Variants in DENND1A observed in about 807,000 individuals in gnomAD.
DENND1A encodes the protein DENN domain containing 1A, also known as DENN domain-containing protein 1A.
A neutral mutation model predicts 113.7 loss-of-function variants in DENND1A; 51 were observed. The ratio of observed to expected loss-of-function variants is 0.45; its 90% CI spans 0.36 to 0.57. DENND1A has a LOEUF of 0.57. Among genes scored for constraint, DENND1A ranks in the 20% least tolerant of loss-of-function variants. DENND1A has a pLI of 0.00. For missense variants in DENND1A, 1,258 were observed against 1,395.9 expected (o/e 0.90, Z 1.57); for synonymous variants, 565 against 570.8 (o/e 0.99, Z 0.14).
intron 19 of DENND1A, among the ~76,000 whole-genome samples, chr9:123,439,030 G>A (rs2046731082): frequency 6.6e-6 from 1 of 152,198 alleles, no homozygotes; most frequent in Admixed American, 6.5e-5. Flanking sequence ...AGGAAAGCAG[G>A]AAGCTGACTC....
chr9:123,820,952 G>A (rs573163877), intron 2 of DENND1A, among the ~76,000 whole-genome samples: 4 of 152,056 alleles, frequency 2.6e-5, no homozygotes, highest in African/African-American at 9.6e-5. Flanking sequence ...TTCATATTTG[G>A]GTTACAACTT....
chr9:123,923,004 T>G (rs888505168), intron 1 of DENND1A, among the ~76,000 whole-genome samples: 1 of 152,232 alleles, frequency 6.6e-6, no homozygotes, highest in African/African-American at 2.4e-5. Flanking sequence ...TCTTCCTTGT[T>G]TATCTTTCCA....
chr9:123,714,438 C>A (rs2066839654), intron 5 of DENND1A, among the ~76,000 whole-genome samples: 1 of 152,028 alleles, frequency 6.6e-6, no homozygotes, highest in Non-Finnish European at 1.5e-5. Flanking sequence ...CCCATCTCCA[C>A]TAAAAATACA....
intron 9 of DENND1A, among the ~76,000 whole-genome samples, chr9:123,632,773 T>A (rs2061533669): frequency 1.3e-5 from 2 of 152,028 alleles, no homozygotes; most frequent in African/African-American, 4.8e-5. Flanking sequence ...TTTCCTCCCA[T>A]CCCTTTCCAC....
chr9:123,446,444 CT>C (rs1240504512), intron 18 of DENND1A, among the ~76,000 whole-genome samples: 1 of 152,160 alleles, frequency 6.6e-6, no homozygotes, highest in African/African-American at 2.4e-5. Context: ...TACTCACTCC[CT>C]TCAATGGGAA....
intron 6 of DENND1A, 138 bp from the exon 7 acceptor site, chr9:123,671,509 G>A (rs1303963552): frequency 1.0e-5 from 8 of 787,584 alleles, no homozygotes; most frequent in African/African-American, 1.7e-5. Context: ...TGATATTCAT[G>A]TAGGGTTTGA....
At position 123,604,568 on chromosome 9, in the gene DENND1A, A is replaced by C. The variant is rs913802477; in HGVS notation, c.765+4868T>G. 1.8e-4 allele frequency among the ~76,000 whole-genome samples: 27 copies of C among 152,324 alleles called. 1 individual carries two copies. The highest frequency in any genetic ancestry group is 1.2e-4 in the Non-Finnish European group (8 of 68,030). On this transcript the variant is annotated intron_variant, in intron 11 of 23. Coordinates refer to ENST00000394215, the MANE Select transcript of DENND1A (RefSeq NM_001352964.2). ...TGCCAGACACTGGGATATGCTGTCC[A>C]TATACAGGACTCAGCTCTTAGGAAG...
At chr9:123,667,298 G>C (rs1589588682) in intron 7 of DENND1A, among the ~76,000 whole-genome samples, 1 of 152,248 alleles carries the variant, frequency 6.6e-6, no homozygotes, top group East Asian at 1.9e-4. Context: ...TCTATGAGAG[G>C]AGAACTTCTT....
At chr9:123,411,002 C>A (rs1400939427) in intron 20 of DENND1A, among the ~76,000 whole-genome samples, 1 of 152,148 alleles carries the variant, frequency 6.6e-6, no homozygotes, top group Non-Finnish European at 1.5e-5. Flanking sequence ...CATATTTTTC[C>A]ATGGACGGAT....
At chr9:123,867,200 A>C (rs769028191) in intron 2 of DENND1A, among the ~76,000 whole-genome samples, 15 of 152,190 alleles carry the variant, frequency 9.9e-5, no homozygotes, top group Non-Finnish European at 2.1e-4. Context: ...ATGTGTTGTG[A>C]AATAATACCA....
intron 12 of DENND1A, among the ~76,000 whole-genome samples, chr9:123,575,847 C>A (rs2058606817): frequency 6.6e-6 from 1 of 152,246 alleles, no homozygotes; most frequent in African/African-American, 2.4e-5. Flanking sequence ...TACTTTTCAT[C>A]TATTTGACTC....
intron 5 of DENND1A, among the ~76,000 whole-genome samples, chr9:123,756,228 G>A (rs2070531779): frequency 6.6e-6 from 1 of 152,104 alleles, no homozygotes; most frequent in Non-Finnish European, 1.5e-5. Context: ...GAGTTTTTGA[G>A]GAGTCAAAGT....
rs940328585 is a variant in DENND1A at position 123,878,924 on chromosome 9, C to T, written c.88+27G>A. On this transcript the variant is annotated intron_variant, in intron 2 of 23. Transcript: ENST00000394215. Reference sequence around the variant, plus strand: ...CTATCTCAAACAATAAGTAACACACCATATCATAATCAAACATGCAAAGTA... The same window carrying T: ...CTATCTCAAACAATAAGTAACACACTATATCATAATCAAACATGCAAAGTA... 1.9e-6 allele frequency: 3 copies of T among 1,610,502 alleles called. No homozygotes were observed. In the African/African-American group the frequency reaches 4.0e-5, roughly 22 times the overall value.
intron 13 of DENND1A, among the ~76,000 whole-genome samples, chr9:123,500,559 C>T (rs143617001): frequency 1.2e-4 from 19 of 152,342 alleles, no homozygotes; most frequent in African/African-American, 4.6e-4. Flanking sequence ...GAAGCCTATC[C>T]TGCTCTCTCA....
intron 13 of DENND1A, among the ~76,000 whole-genome samples, chr9:123,459,972 A>G (rs755609980): frequency 6.6e-6 from 1 of 152,222 alleles, no homozygotes; most frequent in Non-Finnish European, 1.5e-5. Context: ...GGCAGCTTAT[A>G]TGAGCATCTA....
intron 2 of DENND1A, among the ~76,000 whole-genome samples, chr9:123,853,740 A>T (rs1316110173): frequency 6.6e-6 from 1 of 152,168 alleles, no homozygotes; most frequent in Non-Finnish European, 1.5e-5. Context: ...GGTCTCCAAG[A>T]GATTTGTTTT....
rs138791030 is a variant in DENND1A at position 123,523,233 on chromosome 9, C to T, written c.993+34337G>A. On this transcript the variant is annotated intron_variant, in intron 13 of 23. Transcript: ENST00000394215. ...GATGAACAATACTCTAACCCCCTTA[C>T]GTGTGACAGCAACAGGATGGAGGCC... Among the ~76,000 whole-genome samples the T allele has an allele frequency of 3.2e-3, 494 of 152,282 alleles. 1 individual carries two copies. The highest frequency in any genetic ancestry group is 0.012 in the South Asian group (57 of 4,822).
At chr9:123,783,994 A>G (rs952580400) in intron 3 of DENND1A, among the ~76,000 whole-genome samples, 1 of 152,344 alleles carries the variant, frequency 6.6e-6, no homozygotes, top group Non-Finnish European at 1.5e-5. Context: ...AGAGAAGGTG[A>G]GACAAGGTGT....
At position 123,652,130 on chromosome 9, in the gene DENND1A, G is replaced by A. The variant is rs2062693203; in HGVS notation, c.508-7C>T. On this transcript the variant is annotated splice_region_variant and splice_polypyrimidine_tract_variant and intron_variant, in intron 8 of 23. Coordinates refer to ENST00000394215, the MANE Select transcript of DENND1A (RefSeq NM_001352964.2). ...AATATTCTGTCAGATTTCTCTAGGAGAAAGAAGAAGGCACGGTTTGTGGCT... is the reference window on the plus strand; with the variant it reads ...AATATTCTGTCAGATTTCTCTAGGAAAAAGAAGAAGGCACGGTTTGTGGCT... 6.2e-7 allele frequency: 1 copy of A among 1,612,360 alleles called. No individual in the cohort carries two copies. The highest frequency in any genetic ancestry group is 1.3e-5 in the African/African-American group (1 of 75,030).
Sources: allele counts gnomAD v4.1 joint callset (sites outside exome capture counted in the v4.1 genomes callset), GRCh38; gene constraint gnomAD v4.1.1; transcripts MANE v1.5; gene names NCBI Gene and HGNC (gene_info 2026-07-23, HGNC 2026-07-21).